CNGB3: variants seen among roughly 807,000 people sequenced by gnomAD.
The protein encoded by CNGB3 is cyclic nucleotide gated channel subunit beta 3.
A neutral mutation model predicts 92.8 loss-of-function variants in CNGB3; 86 were observed. That is an observed-to-expected ratio of 0.93 (90% CI 0.78 to 1.11). The LOEUF (loss-of-function observed/expected upper bound fraction) is 1.11, where lower values mean the gene tolerates loss of function less well. CNGB3 is among the 50% of genes least tolerant of loss of function. The pLI is 0.00. For synonymous variants in CNGB3, 333 were observed against 332.7 expected (o/e 1.00, Z -0.01); for missense variants, 1,026 against 956.8 (o/e 1.07, Z -0.95).
intron 2 of CNGB3, among the ~76,000 whole-genome samples, chr8:86,730,279 C>T (rs551845606): frequency 6.6e-6 from 1 of 152,280 alleles, no homozygotes; most frequent in African/African-American, 2.4e-5. Flanking sequence ...TTATCAGTGA[C>T]ATTACATAAA....
chr8:86,690,610 G>A (rs574584482), intron 3 of CNGB3, among the ~76,000 whole-genome samples: 1 of 152,132 alleles, frequency 6.6e-6, no homozygotes, highest in African/African-American at 2.4e-5. Context: ...TGCTTTTGGT[G>A]TCTTAGACAT....
intron 3 of CNGB3, chr8:86,707,455 A>C (rs1168046186): frequency 1.3e-5 from 2 of 152,360 alleles, no homozygotes; most frequent in Non-Finnish European, 2.9e-5. Flanking sequence ...CTTTGAAAGG[A>C]GTGAGGGAAG....
At chr8:86,705,553 T>G (rs1563761429) in intron 3 of CNGB3, among the ~76,000 whole-genome samples, 1 of 152,052 alleles carries the variant, frequency 6.6e-6, no homozygotes, top group Admixed American at 6.6e-5. Context: ...TATAATCATG[T>G]AAGCCCCTAA....
intron 11 of CNGB3, among the ~76,000 whole-genome samples, chr8:86,631,468 G>T (rs764132034): frequency 2.6e-5 from 4 of 151,974 alleles, no homozygotes; most frequent in Non-Finnish European, 5.9e-5. Context: ...TATGAATCAG[G>T]GATGCCTCTT....
intron 3 of CNGB3, among the ~76,000 whole-genome samples, chr8:86,699,511 A>C (rs1345672234): frequency 1.3e-5 from 2 of 152,224 alleles, no homozygotes; most frequent in East Asian, 3.9e-4. Flanking sequence ...AGACTACTGA[A>C]TGTTAATATA....
At chr8:86,630,820 G>A (rs1822948422) in intron 11 of CNGB3, among the ~76,000 whole-genome samples, 1 of 152,168 alleles carries the variant, frequency 6.6e-6, no homozygotes, top group Non-Finnish European at 1.5e-5. Flanking sequence ...GCTACAGTGA[G>A]CTATGATTAA....
At chr8:86,646,830 G>T (rs1823298326) in intron 8 of CNGB3, among the ~76,000 whole-genome samples, 1 of 151,150 alleles carries the variant, frequency 6.6e-6, no homozygotes. Context: ...GGTATCAAAT[G>T]AAGCTATGAG....
intron 2 of CNGB3, among the ~76,000 whole-genome samples, chr8:86,737,496 T>A (rs1160926542): frequency 6.6e-6 from 1 of 152,200 alleles, no homozygotes; most frequent in Non-Finnish European, 1.5e-5. Flanking sequence ...GTCCTTTTTT[T>A]AAATTTTTCT....
At chr8:86,661,972 CT>C in intron 6 of CNGB3, 2 of 529,838 alleles carry the variant, frequency 3.8e-6, no homozygotes, top group South Asian at 2.6e-5. Context: ...CAGTCCTGGC[CT>C]CCGTGGTGTC....
chr8:86,583,123 A>T (rs938463067), intron 15 of CNGB3, among the ~76,000 whole-genome samples: 1 of 152,012 alleles, frequency 6.6e-6, no homozygotes, highest in African/African-American at 2.4e-5. Context: ...CTGGTCTCGA[A>T]CTCTTGACCT....
At chr8:86,646,821 G>C (rs937174200) in intron 8 of CNGB3, among the ~76,000 whole-genome samples, 1 of 150,984 alleles carries the variant, frequency 6.6e-6, no homozygotes, top group East Asian at 1.9e-4. Context: ...TTCTTTTTAG[G>C]TATCAAATGA....
rs934270381 is a variant in CNGB3, at chr8:86,667,133, T to C, written c.644A>G (p.Asp215Gly). 6.2e-7 allele frequency: 1 copy of C among 1,613,570 alleles called. No homozygotes were observed. The highest frequency in any genetic ancestry group is 1.3e-5 in the African/African-American group (1 of 75,030). The change falls in exon 6 of 18, where the codon GAT becomes GGT. Residue 215 changes from aspartate (D) to glycine (G), a missense_variant and splice_region_variant. Physicochemically the swap from Asp to Gly is moderately conservative, Grantham distance 94. Transcript: ENST00000320005. Reference sequence around the variant, plus strand: ...CAAGAGCCACAGGAGATAGAGTCGATCTGGAAAAACAGCAAGTGGTGAAAT... The same window carrying C: ...CAAGAGCCACAGGAGATAGAGTCGACCTGGAAAAACAGCAAGTGGTGAAAT... ...KLPNSIDSYTDRLYLLWLLLV... is the reference protein window; with the variant it reads ...KLPNSIDSYTGRLYLLWLLLV...
intron 3 of CNGB3, among the ~76,000 whole-genome samples, chr8:86,696,205 C>T (rs994815876): frequency 1.3e-5 from 2 of 152,072 alleles, no homozygotes; most frequent in African/African-American, 4.8e-5. Flanking sequence ...GTGGAGTTAT[C>T]TATTGTTTTC....
At chr8:86,741,603 T>C (rs1308072351) in intron 1 of CNGB3, among the ~76,000 whole-genome samples, 1 of 151,918 alleles carries the variant, frequency 6.6e-6, no homozygotes, top group African/African-American at 2.4e-5. Context: ...GACACAGAGG[T>C]TGCAGCGAGT....
At chr8:86,617,681 C>T (rs555573427) in intron 13 of CNGB3, among the ~76,000 whole-genome samples, 2 of 152,218 alleles carry the variant, frequency 1.3e-5, no homozygotes, top group African/African-American at 2.4e-5. Flanking sequence ...AAATCATCTT[C>T]GTCAAACTTT....
Position 86,617,919 on chromosome 8 carries a change from A to G in CNGB3, c.1579-6248T>C, listed in dbSNP as rs115336689. Among the ~76,000 whole-genome samples, 544 of 152,256 alleles carry G rather than the reference A, an allele frequency of 3.6e-3. 3 individuals are homozygous for G. The highest frequency in any genetic ancestry group is 0.013 in the African/African-American group (533 of 41,556). On this transcript the variant is annotated intron_variant, in intron 13 of 17. Coordinates refer to ENST00000320005, the MANE Select transcript of CNGB3 (RefSeq NM_019098.5). Reference sequence around the variant, plus strand: ...ATTGTGCATTTTCTTTCTATTTATTATTACATTGTAATATATAACAAAACG... The same window carrying G: ...ATTGTGCATTTTCTTTCTATTTATTGTTACATTGTAATATATAACAAAACG...
At chr8:86,587,590 A>G (rs1276190213) in intron 15 of CNGB3, among the ~76,000 whole-genome samples, 7 of 152,134 alleles carry the variant, frequency 4.6e-5, no homozygotes, top group African/African-American at 1.7e-4. Flanking sequence ...TTTATTAAAT[A>G]GGGAATCCTT....
chr8:86,627,177 A>G (rs529909512), intron 12 of CNGB3, among the ~76,000 whole-genome samples: 1 of 152,264 alleles, frequency 6.6e-6, no homozygotes, highest in South Asian at 2.1e-4. Context: ...TGATTCAAAT[A>G]TAGATTCTAA....
chr8:86,581,579 A>G (rs547732268), intron 15 of CNGB3, among the ~76,000 whole-genome samples: 1 of 152,342 alleles, frequency 6.6e-6, no homozygotes, highest in African/African-American at 2.4e-5. Flanking sequence ...ACCTGAGGGA[A>G]GAACATTTTT....
Sources: gnomAD v4.1 joint callset for allele counts (sites outside exome capture counted in the v4.1 genomes callset) on GRCh38, gnomAD v4.1.1 for gene constraint, MANE v1.5 for transcripts, NCBI Gene and HGNC (gene_info 2026-07-23, HGNC 2026-07-21) for gene names.